The following PCDHA9 variants were observed in gnomAD, a reference collection of about 807,000 sequenced individuals.
PCDHA9 encodes protocadherin alpha-9.
Under a neutral mutation model 62.0 loss-of-function variants are expected in PCDHA9, and 62 were observed. The ratio of observed to expected loss-of-function variants is 1.00; its 90% confidence interval spans 0.81 to 1.23. The LOEUF (loss-of-function observed/expected upper bound fraction) is 1.23. PCDHA9 is among the 50% of genes most tolerant of loss of function. The pLI is 0.00. For missense variants in PCDHA9, 1,205 were observed against 1,249.8 expected, an observed-to-expected ratio of 0.96 and a Z score of 0.54; for synonymous variants, 557 against 567.6, an observed-to-expected ratio of 0.98 and a Z score of 0.27.
intron 1 of PCDHA9, among the ~76,000 whole-genome samples, chr5:140,915,722 A>G (rs559518429): frequency 1.3e-5 from 2 of 151,088 alleles, no homozygotes; most frequent in South Asian, 4.2e-4. Flanking sequence ...CCCACTTTGG[A>G]TTGTGCTGGG....
At position 140,924,894 on chromosome 5, in the gene PCDHA9, CA is replaced by C. The variant is rs782133089; in HGVS notation, c.2395-54044del. 4.9e-4 allele frequency among the ~76,000 whole-genome samples: 35 copies of C among 71,496 alleles called. 1 individual carries two copies. Among genetic ancestry groups the C allele is most frequent in the Admixed American group, 2.6e-3 (18 of 6,864 alleles). The allele number at this position is 71,496 out of a possible 152,430, so 46.9% of individuals were successfully genotyped here. On this transcript the variant is annotated intron_variant, in intron 1 of 3. Coordinates refer to ENST00000532602, the MANE Select transcript of PCDHA9 (RefSeq NM_031857.2). Reference sequence around the variant, plus strand: ...TGGGTGACAGAGCAAGAACCTGTCTCAAAAAAAAAAATAAAATAAAATAAAA... The same window carrying C: ...TGGGTGACAGAGCAAGAACCTGTCTCAAAAAAAAAATAAAATAAAATAAAA...
At chr5:140,865,937 T>A (rs529378074) in intron 1 of PCDHA9, 1 of 152,330 alleles carries the variant, frequency 6.6e-6, no homozygotes, top group South Asian at 2.1e-4. Context: ...AGAAACTTCA[T>A]GATTGTCTTC....
rs1399480801 is a variant in PCDHA9, at chr5:140,951,947, C to T, written c.2395-27002C>T. On this transcript the variant is annotated intron_variant, in intron 1 of 3. Transcript: ENST00000532602. ...TTACTCCCAAGATACAGTGCGGGTA[C>T]AGGCATTGGGTAAATACTCCTGTTC... is the stretch of plus-strand genomic sequence containing the variant. 5.3e-5 allele frequency among the ~76,000 whole-genome samples: 8 copies of T among 152,250 alleles called. No individual in the cohort carries two copies. In the East Asian group the frequency reaches 1.5e-3, roughly 29 times the overall value.
chr5:140,969,473 A>G (rs562575347), intron 1 of PCDHA9: 1 of 1,478,090 alleles, frequency 6.8e-7, no homozygotes, highest in Non-Finnish European at 9.0e-7. Flanking sequence ...CCACAATTTG[A>G]TCATAATCTG....
chr5:141,000,689 A>G (rs1469257297), intron 3 of PCDHA9, among the ~76,000 whole-genome samples: 1 of 151,438 alleles, frequency 6.6e-6, no homozygotes, highest in African/African-American at 2.4e-5. Context: ...CTGCCTCCCA[A>G]AGTGCTGGGA....
At chr5:140,856,574 T>C in intron 1 of PCDHA9, 1 of 1,597,714 alleles carries the variant, frequency 6.3e-7, no homozygotes, top group Non-Finnish European at 8.6e-7. Flanking sequence ...TCCAAATGAG[T>C]ATTTTGTTCT....
intron 1 of PCDHA9, among the ~76,000 whole-genome samples, chr5:140,950,215 T>C (rs2094460409): frequency 6.6e-6 from 1 of 152,030 alleles, no homozygotes; most frequent in Non-Finnish European, 1.5e-5. Flanking sequence ...TACCTAGTCA[T>C]TTACCATTTC....
chr5:140,909,072 C>A (rs2074300655), intron 1 of PCDHA9, among the ~76,000 whole-genome samples: 1 of 152,162 alleles, frequency 6.6e-6, no homozygotes, highest in African/African-American at 2.4e-5. Flanking sequence ...CCAATAAGCC[C>A]AGTGTGTTTG....
At chr5:140,966,350 A>C in intron 1 of PCDHA9, 1 of 397,418 alleles carries the variant, frequency 2.5e-6, no homozygotes, top group Non-Finnish European at 4.4e-6. Flanking sequence ...GGTGAAGGAG[A>C]TGGGGCTGGA....
At chr5:140,940,717 G>T (rs1554213570) in intron 1 of PCDHA9, among the ~76,000 whole-genome samples, 1 of 152,130 alleles carries the variant, frequency 6.6e-6, no homozygotes, top group African/African-American at 2.4e-5. Flanking sequence ...GCTGTGTGCT[G>T]TTTCAGCTGG....
intron 1 of PCDHA9, among the ~76,000 whole-genome samples, chr5:140,920,771 G>A (rs1256445366): frequency 6.6e-6 from 1 of 151,698 alleles, no homozygotes; most frequent in African/African-American, 2.4e-5. Context: ...TTACACCTGG[G>A]AGGTGGAGGT....
At chr5:140,873,843 T>C (rs2054523917) in intron 1 of PCDHA9, among the ~76,000 whole-genome samples, 1 of 152,144 alleles carries the variant, frequency 6.6e-6, no homozygotes, top group Non-Finnish European at 1.5e-5. Context: ...GTATTTTTAG[T>C]AGAGATGGGT....
At chr5:140,914,030 G>T (rs2076568173) in intron 1 of PCDHA9, among the ~76,000 whole-genome samples, 1 of 152,298 alleles carries the variant, frequency 6.6e-6, no homozygotes, top group East Asian at 1.9e-4. Flanking sequence ...CACGTGCTGA[G>T]AAGAATGTGT....
chr5:141,009,929 G>T lies in PCDHA9; in HGVS notation c.2845G>T (p.Asp949Tyr). Residue 949 changes from aspartate to tyrosine, a missense_variant, in exon 4 of 4, where the codon GAC becomes TAC. This residue lies in a region of PCDHA9 where 887 missense variants were observed against 809.5 expected (regional missense o/e 1.10). Transcript: ENST00000532602. Reference protein sequence around the residue: ...EKGNSTTDNSDQ With the variant: ...EKGNSTTDNSYQ ...AGGGAACAGCACGACTGACAACAGT[G>T]ACCAGTGAGGTCCTCAAATGGAAAC... 1 of 1,603,730 alleles carries T rather than the reference G, an allele frequency of 6.2e-7. No homozygotes were observed. The highest frequency in any genetic ancestry group is 1.1e-5 in the South Asian group (1 of 89,000).
chr5:140,858,465 T>C lies in PCDHA9; in HGVS notation c.2394+7576T>C, dbSNP rs1554151663. The C allele has an allele frequency of 1.3e-6, 2 of 1,522,706 alleles. 1 individual carries two copies. The allele number at this position is 1,522,706 out of a possible 1,614,324, so 94.3% of individuals were successfully genotyped here. ...GGTTATTACGTTTTCATTTTCCTTT[T>C]GTGCTTTATGAATAATATTTTCTCT... On this transcript the variant is annotated intron_variant, in intron 1 of 3. Coordinates refer to ENST00000532602, the MANE Select transcript of PCDHA9 (RefSeq NM_031857.2).
At chr5:140,938,041 G>T (rs2091894997) in intron 1 of PCDHA9, among the ~76,000 whole-genome samples, 1 of 151,764 alleles carries the variant, frequency 6.6e-6, no homozygotes, top group African/African-American at 2.4e-5. Flanking sequence ...TTTATATTTT[G>T]GGTTTTCTAC....
intron 1 of PCDHA9, chr5:140,857,466 T>C: frequency 1.9e-6 from 3 of 1,598,502 alleles, no homozygotes; most frequent in Non-Finnish European, 2.6e-6. Context: ...GGCTGCCACA[T>C]CTTCACGGTG....
chr5:140,886,884 A>C (rs903199967), intron 1 of PCDHA9, among the ~76,000 whole-genome samples: 9 of 151,846 alleles, frequency 5.9e-5, no homozygotes, highest in African/African-American at 1.9e-4. Flanking sequence ...AACATTCATT[A>C]ATTAAATGCA....
intron 2 of PCDHA9, 86 bp from the exon 3 acceptor site, chr5:140,982,389 T>C: frequency 1.3e-6 from 2 of 1,593,476 alleles, no homozygotes; most frequent in South Asian, 1.1e-5. Context: ...CCTGGCTTCA[T>C]AGTTGTAAGC....
Sources: gnomAD v4.1 joint callset for allele counts (sites outside exome capture counted in the v4.1 genomes callset) on GRCh38, gnomAD v4.1.1 for gene constraint, gnomAD v4.1.1 regional missense constraint, MANE v1.5 for transcripts, NCBI Gene and HGNC (gene_info 2026-07-23, HGNC 2026-07-21) for gene names.